The following EYA1 variants were observed in gnomAD, a reference collection of about 807,000 sequenced individuals.
The protein encoded by EYA1 is EYA transcriptional coactivator and phosphatase 1.
A neutral mutation model predicts 82.0 loss-of-function variants in EYA1; 16 were observed. That is an observed-to-expected ratio of 0.20 (90% CI 0.13 to 0.30). The LOEUF (loss-of-function observed/expected upper bound fraction) is 0.30, where lower values mean the gene tolerates loss of function less well. Ranked by LOEUF, EYA1 falls within the 10% of genes least tolerant of loss-of-function variation. EYA1 has a pLI of 1.00. For synonymous variants in EYA1, 261 were observed against 264.4 expected, an observed-to-expected ratio of 0.99 and a Z score of 0.12; for missense variants, 633 against 730.7, an observed-to-expected ratio of 0.87 and a Z score of 1.54.
At chr8:71,544,927 C>A (rs1346312897) in intron 1 of EYA1, among the ~76,000 whole-genome samples, 3 of 152,206 alleles carry the variant, frequency 2.0e-5, no homozygotes, top group Non-Finnish European at 1.5e-5. Context: ...ACTCATGATT[C>A]CATGAGCCAA....
intron 4 of EYA1, among the ~76,000 whole-genome samples, chr8:71,330,399 C>T (rs1433786963): frequency 6.6e-6 from 1 of 152,168 alleles, no homozygotes; most frequent in Non-Finnish European, 1.5e-5. Context: ...CCCTACTTAC[C>T]CATACCTCTA....
At chr8:71,313,350 G>T (rs932460016) in intron 7 of EYA1, among the ~76,000 whole-genome samples, 7 of 151,886 alleles carry the variant, frequency 4.6e-5, no homozygotes, top group African/African-American at 1.2e-4. Flanking sequence ...AATATATTTT[G>T]TTATATATAT....
intron 9 of EYA1, among the ~76,000 whole-genome samples, chr8:71,294,233 G>T (rs1000738029): frequency 6.6e-6 from 1 of 152,172 alleles, no homozygotes; most frequent in Non-Finnish European, 1.5e-5. Context: ...GCCGAGGCGG[G>T]TGGATCACGA....
At chr8:71,330,893 A>C (rs1374328605) in intron 4 of EYA1, among the ~76,000 whole-genome samples, 1 of 151,798 alleles carries the variant, frequency 6.6e-6, no homozygotes, top group African/African-American at 2.4e-5. Flanking sequence ...ACGCATATGT[A>C]CCTCACATTC....
chr8:71,222,233 C>A (rs1252767483), intron 12 of EYA1, among the ~76,000 whole-genome samples: 1 of 152,118 alleles, frequency 6.6e-6, no homozygotes, highest in East Asian at 1.9e-4. Flanking sequence ...AACTCGGATA[C>A]CTTCCACTGG....
chr8:71,494,351 T>C (rs1260086133), intron 2 of EYA1, among the ~76,000 whole-genome samples: 1 of 152,200 alleles, frequency 6.6e-6, no homozygotes, highest in Non-Finnish European at 1.5e-5. Flanking sequence ...TGCTTATTTT[T>C]TTTTAGTTTA....
intron 12 of EYA1, among the ~76,000 whole-genome samples, chr8:71,226,026 A>G (rs1011941745): frequency 1.3e-5 from 2 of 152,212 alleles, no homozygotes; most frequent in Non-Finnish European, 2.9e-5. Context: ...TAAAATATTT[A>G]GAGAACAAAG....
At chr8:71,258,541 T>C (rs947196149) in intron 11 of EYA1, among the ~76,000 whole-genome samples, 13 of 152,334 alleles carry the variant, frequency 8.5e-5, no homozygotes, top group Admixed American at 7.8e-4. Flanking sequence ...AGTCCTAACA[T>C]GGAGACCACA....
chr8:71,297,244 T>C (rs761203613), intron 9 of EYA1, among the ~76,000 whole-genome samples: 2 of 152,160 alleles, frequency 1.3e-5, no homozygotes, highest in Admixed American at 6.6e-5. Flanking sequence ...TTGTTTTCCA[T>C]GTGGCCTGGC....
At chr8:71,381,907 G>C (rs78057154) in intron 2 of EYA1, among the ~76,000 whole-genome samples, 1,803 of 152,278 alleles carry the variant, frequency 0.012, 13 homozygotes, top group Non-Finnish European at 0.02. Flanking sequence ...ATTAAAAAAA[G>C]CACTTTGTAT....
chr8:71,398,077 A>C (rs753468307), intron 2 of EYA1, among the ~76,000 whole-genome samples: 10 of 152,120 alleles, frequency 6.6e-5, no homozygotes, highest in Admixed American at 2.6e-4. Flanking sequence ...CCACTTGATC[A>C]AATCTTGTAC....
intron 17 of EYA1, among the ~76,000 whole-genome samples, chr8:71,205,191 A>G (rs1807605255): frequency 6.6e-6 from 1 of 152,186 alleles, no homozygotes; most frequent in African/African-American, 2.4e-5. Flanking sequence ...CTGTGCAGAA[A>G]ATGGATGCTT....
At chr8:71,238,013 A>G (rs1812052050) in intron 12 of EYA1, among the ~76,000 whole-genome samples, 1 of 152,164 alleles carries the variant, frequency 6.6e-6, no homozygotes, top group Non-Finnish European at 1.5e-5. Flanking sequence ...TATAATTGGT[A>G]CAAATGGTAT....
intron 14 of EYA1, 126 bp from the exon 15 acceptor site, chr8:71,215,854 T>C: frequency 1.4e-6 from 1 of 723,806 alleles, no homozygotes; most frequent in Non-Finnish European, 2.5e-6. Flanking sequence ...CAAAGTATCT[T>C]TCACATAGTA....
intron 2 of EYA1, among the ~76,000 whole-genome samples, chr8:71,412,797 A>T (rs116824855): frequency 6.6e-6 from 1 of 152,212 alleles, no homozygotes; most frequent in Non-Finnish European, 1.5e-5. Flanking sequence ...TCGAGTCATC[A>T]TCATGATCCC....
chr8:71,359,072 A>G (rs903768056), intron 1 of EYA1, among the ~76,000 whole-genome samples: 5 of 152,142 alleles, frequency 3.3e-5, no homozygotes, highest in African/African-American at 1.2e-4. Flanking sequence ...ATTTCACTTT[A>G]ATGCTTTTTA....
chr8:71,318,895 C>T (rs1822214552), intron 6 of EYA1, among the ~76,000 whole-genome samples: 2 of 152,068 alleles, frequency 1.3e-5, no homozygotes, highest in African/African-American at 4.8e-5. Context: ...TTAACACAAC[C>T]TTAACATTTT....
At chr8:71,274,415 A>C (rs536904743) in intron 9 of EYA1, among the ~76,000 whole-genome samples, 2 of 152,176 alleles carry the variant, frequency 1.3e-5, no homozygotes, top group African/African-American at 4.8e-5. Context: ...AAATCATTTA[A>C]TCTTCTAATC....
intron 2 of EYA1, among the ~76,000 whole-genome samples, chr8:71,440,244 A>C (rs1451097763): frequency 6.6e-6 from 1 of 152,122 alleles, no homozygotes; most frequent in African/African-American, 2.4e-5. Context: ...TAAGCTAACG[A>C]GTTTGAGTTT....
Sources: gnomAD v4.1 joint callset for allele counts (sites outside exome capture counted in the v4.1 genomes callset) on GRCh38, gnomAD v4.1.1 for gene constraint, MANE v1.5 for transcripts, NCBI Gene and HGNC (gene_info 2026-07-23, HGNC 2026-07-21) for gene names.